GPR158: variants seen among roughly 807,000 people sequenced by gnomAD.
GPR158 encodes metabotropic glycine receptor.
A neutral mutation model predicts 78.2 loss-of-function variants in GPR158; 30 were observed. That is an observed-to-expected ratio of 0.38 (90% CI 0.29 to 0.52). The LOEUF (loss-of-function observed/expected upper bound fraction) is 0.52. GPR158 is among the 20% of genes least tolerant of loss of function. The probability of loss-of-function intolerance (pLI) is 0.83; values close to 1 mark genes in which losing one functional copy is unlikely to be tolerated. For synonymous variants in GPR158, 581 were observed against 591.1 expected, an observed-to-expected ratio of 0.98 and a Z score of 0.25; for missense variants, 1,463 against 1,523.5, an observed-to-expected ratio of 0.96 and a Z score of 0.66.
At chr10:25,390,784 G>A (rs1237500387) in intron 2 of GPR158, among the ~76,000 whole-genome samples, 1 of 152,196 alleles carries the variant, frequency 6.6e-6, no homozygotes, top group African/African-American at 2.4e-5. Flanking sequence ...ATTTACATAA[G>A]TAACAAGGAA....
intron 2 of GPR158, among the ~76,000 whole-genome samples, chr10:25,254,222 TTTTTC>T (rs1486123966): frequency 6.6e-6 from 1 of 152,218 alleles, no homozygotes; most frequent in African/African-American, 2.4e-5. Context: ...TAATTATTTC[TTTTTC>T]TTTTCTTATT....
chr10:25,364,878 C>A (rs1205999213), intron 2 of GPR158, among the ~76,000 whole-genome samples: 3 of 151,710 alleles, frequency 2.0e-5, no homozygotes, highest in Admixed American at 6.6e-5. Flanking sequence ...CAAGGCAAAG[C>A]ATACTAAATT....
At chr10:25,534,484 A>AAAAAC (rs66648229) in intron 5 of GPR158, among the ~76,000 whole-genome samples, 43 of 152,008 alleles carry the variant, frequency 2.8e-4, no homozygotes, top group African/African-American at 9.7e-4. Context: ...TAAAAATGCA[A>AAAAAC]AAAACAAAAC....
intron 1 of GPR158, among the ~76,000 whole-genome samples, chr10:25,219,245 A>G (rs1853263912): frequency 6.6e-6 from 1 of 152,144 alleles, no homozygotes; most frequent in Admixed American, 6.5e-5. Flanking sequence ...CACTTTGGTC[A>G]TTTTCAAAAT....
rs1564498202 is a variant in GPR158 at position 25,586,390 on chromosome 10, A to ATTTTTTTTTTTTTTTT, written c.1754-2617_1754-2616insTTTTTTTTTTTTTTTT. ...CCAGGGTTGTAAGTAGGTATGTGTG[A>ATTTTTTTTTTTTTTTT]ATTTTTTTTTTTTTTTTTTTTTTTT... On this transcript the variant is annotated intron_variant, in intron 7 of 10. Transcript: ENST00000376351. 3.8e-5 allele frequency among the ~76,000 whole-genome samples: 5 copies of ATTTTTTTTTTTTTTTT among 130,942 alleles called. 2 individuals are homozygous for ATTTTTTTTTTTTTTTT. Among genetic ancestry groups the ATTTTTTTTTTTTTTTT allele is most frequent in the Non-Finnish European group, 1.6e-5 (1 of 61,846 alleles). 85.9% of individuals were successfully genotyped at this position (130,942 alleles called of 152,430 possible).
chr10:25,445,183 A>T (rs1835124795), intron 4 of GPR158, among the ~76,000 whole-genome samples: 2 of 152,226 alleles, frequency 1.3e-5, no homozygotes, highest in African/African-American at 4.8e-5. Context: ...AGGAACAGGT[A>T]TACAGAGGAA....
rs539862047 is a variant in GPR158, at chr10:25,396,201, C to T, written c.1111+188C>T. Among the ~76,000 whole-genome samples, 12 of 152,122 alleles carry T rather than the reference C, an allele frequency of 7.9e-5. No individual in the cohort carries two copies. In the South Asian group the frequency reaches 2.5e-3, roughly 32 times the overall value. On this transcript the variant is annotated intron_variant, in intron 3 of 10. Transcript: ENST00000376351. ...TGCTCTGGAGAACCACTAAAATATA[C>T]CTAAAATATTCTTAGGTATATATTA...
chr10:25,354,012 T>G (rs2130523264), intron 2 of GPR158, among the ~76,000 whole-genome samples: 1 of 152,182 alleles, frequency 6.6e-6, no homozygotes, highest in East Asian at 1.9e-4. Flanking sequence ...TATAGGGTTT[T>G]GCACTGTGGT....
intron 2 of GPR158, among the ~76,000 whole-genome samples, chr10:25,330,758 T>A (rs1855107499): frequency 6.6e-6 from 1 of 152,088 alleles, no homozygotes; most frequent in South Asian, 2.1e-4. Context: ...GCCTTGAGGA[T>A]TTTAGAAAAA....
At chr10:25,232,082 A>G (rs778743414) in intron 2 of GPR158, among the ~76,000 whole-genome samples, 3 of 152,212 alleles carry the variant, frequency 2.0e-5, no homozygotes, top group Non-Finnish European at 4.4e-5. Context: ...ATATGAAGTT[A>G]GTGAACAGAT....
At chr10:25,293,499 T>G (rs887026807) in intron 2 of GPR158, among the ~76,000 whole-genome samples, 1 of 152,192 alleles carries the variant, frequency 6.6e-6, no homozygotes, top group Non-Finnish European at 1.5e-5. Context: ...GGGTTAGCCA[T>G]TCTATTGTTA....
intron 2 of GPR158, among the ~76,000 whole-genome samples, chr10:25,351,030 C>T (rs1306290801): frequency 6.6e-6 from 1 of 151,788 alleles, no homozygotes; most frequent in Non-Finnish European, 1.5e-5. Context: ...GAAAATAGTC[C>T]ACTCTCTCTA....
At chr10:25,476,509 C>G (rs1167596665) in intron 5 of GPR158, among the ~76,000 whole-genome samples, 1 of 118,922 alleles carries the variant, frequency 8.4e-6, no homozygotes, top group Non-Finnish European at 1.7e-5. Flanking sequence ...CTCCCTACCC[C>G]GGTCTTATAA....
At chr10:25,266,081 C>T (rs1356320078) in intron 2 of GPR158, among the ~76,000 whole-genome samples, 1 of 152,082 alleles carries the variant, frequency 6.6e-6, no homozygotes, top group Non-Finnish European at 1.5e-5. Flanking sequence ...CTTCCTTTAC[C>T]ATCCTTCCAA....
At chr10:25,482,512 C>T (rs887623200) in intron 5 of GPR158, among the ~76,000 whole-genome samples, 6 of 152,198 alleles carry the variant, frequency 3.9e-5, no homozygotes, top group South Asian at 2.1e-4. Flanking sequence ...GAACAGATTG[C>T]GGTTTCAGGA....
intron 2 of GPR158, among the ~76,000 whole-genome samples, chr10:25,233,376 C>G (rs1311796048): frequency 6.6e-6 from 1 of 150,556 alleles, no homozygotes; most frequent in Admixed American, 6.7e-5. Flanking sequence ...CATGCAAAAG[C>G]AGTTTCTTTT....
intron 6 of GPR158, among the ~76,000 whole-genome samples, chr10:25,557,170 T>C (rs1331727319): frequency 6.6e-6 from 1 of 152,256 alleles, no homozygotes; most frequent in African/African-American, 2.4e-5. Flanking sequence ...ATCTCTACTC[T>C]AGCTAAATCT....
chr10:25,450,003 A>AG (rs1835192516), intron 4 of GPR158, among the ~76,000 whole-genome samples: 2 of 87,632 alleles, frequency 2.3e-5, no homozygotes, highest in South Asian at 4.5e-4. Flanking sequence ...AAAAATGATC[A>AG]GAAAAAAAAA....
At chr10:25,410,288 G>C (rs1160127353) in intron 3 of GPR158, among the ~76,000 whole-genome samples, 2 of 152,162 alleles carry the variant, frequency 1.3e-5, no homozygotes, top group Admixed American at 1.3e-4. Context: ...ATTTGGAGAA[G>C]AGGAGAAAGA....
Sources: allele counts gnomAD v4.1 joint callset (sites outside exome capture counted in the v4.1 genomes callset), GRCh38; gene constraint gnomAD v4.1.1; transcripts MANE v1.5; gene names NCBI Gene and HGNC (gene_info 2026-07-23, HGNC 2026-07-21).